CSMD3: variants seen among roughly 807,000 people sequenced by gnomAD.
CSMD3 encodes CUB and sushi domain-containing protein 3.
Under a neutral mutation model 435.2 loss-of-function variants are expected in CSMD3, and 177 were observed. The ratio of observed to expected loss-of-function variants is 0.41; its 90% confidence interval spans 0.36 to 0.46. The LOEUF (loss-of-function observed/expected upper bound fraction) is 0.46, where lower values mean the gene tolerates loss of function less well. Ranked by LOEUF, CSMD3 falls within the 20% of genes least tolerant of loss-of-function variation. CSMD3 has a pLI of 0.34. For missense variants in CSMD3, 4,265 were observed against 4,504.6 expected (o/e 0.95, Z 1.52); for synonymous variants, 1,656 against 1,520.5 (o/e 1.09, Z -2.07).
At chr8:113,314,085 A>C (rs962814751) in intron 2 of CSMD3, 1 of 152,298 alleles carries the variant, frequency 6.6e-6, no homozygotes, top group African/African-American at 2.4e-5. Context: ...TTTTGACATG[A>C]AAGTATGTAG....
chr8:113,114,731 A>C (rs918824560), intron 4 of CSMD3, among the ~76,000 whole-genome samples: 1 of 152,172 alleles, frequency 6.6e-6, no homozygotes, highest in African/African-American at 2.4e-5. Context: ...GTTGGAGATG[A>C]ATTATAGGTA....
chr8:113,112,879 T>C (rs1330300443), intron 4 of CSMD3, among the ~76,000 whole-genome samples: 10 of 152,176 alleles, frequency 6.6e-5, no homozygotes, highest in Admixed American at 6.5e-4. Context: ...TTATATTTTG[T>C]TTTGCAAGTG....
chr8:112,975,784 A>G, intron 7 of CSMD3, 53 bp downstream of exon 7: 1 of 1,610,862 alleles, frequency 6.2e-7, no homozygotes, highest in Non-Finnish European at 8.5e-7. Context: ...ATCATTACCA[A>G]AATATAGCTT....
At chr8:112,636,711 A>T in intron 22 of CSMD3, 106 bp downstream of exon 22, 1 of 995,610 alleles carries the variant, frequency 1.0e-6, no homozygotes, top group Non-Finnish European at 1.6e-6. Context: ...ATTAATGTGA[A>T]ATAAATGCAG....
chr8:113,428,972 G>A (rs2094653376), intron 1 of CSMD3, among the ~76,000 whole-genome samples: 1 of 151,570 alleles, frequency 6.6e-6, no homozygotes, highest in Non-Finnish European at 1.5e-5. Context: ...CTAACATCAA[G>A]CAAAGAAAAT....
intron 36 of CSMD3, among the ~76,000 whole-genome samples, chr8:112,384,273 T>A (rs1829743770): frequency 6.6e-6 from 1 of 152,196 alleles, no homozygotes; most frequent in Non-Finnish European, 1.5e-5. Context: ...TTAATTCAAA[T>A]GAATTTTTAA....
chr8:113,270,313 AG>A (rs1425828269), intron 3 of CSMD3, among the ~76,000 whole-genome samples: 1 of 67,560 alleles, frequency 1.5e-5, no homozygotes, highest in East Asian at 3.3e-4. Context: ...ATCATTAAAA[AG>A]TCGGGAAACA....
intron 13 of CSMD3, among the ~76,000 whole-genome samples, chr8:112,724,477 G>T (rs1409148558): frequency 1.3e-5 from 2 of 151,996 alleles, no homozygotes; most frequent in Non-Finnish European, 2.9e-5. Flanking sequence ...AATCAATTAT[G>T]TCCCCAATAA....
chr8:112,681,083 G>A (rs1186658065), intron 16 of CSMD3, among the ~76,000 whole-genome samples: 1 of 149,572 alleles, frequency 6.7e-6, no homozygotes, highest in African/African-American at 2.5e-5. Flanking sequence ...TCACCAGGCT[G>A]GAGTGCAGTG....
rs2080335686 is a variant in CSMD3 at position 112,846,815 on chromosome 8, T to C, written c.1755+12330A>G. On this transcript the variant is annotated intron_variant, in intron 11 of 70. Coordinates refer to ENST00000297405, the MANE Select transcript of CSMD3 (RefSeq NM_198123.2). ...TAAAGTATTTCAATTAAATAAACCA[T>C]TTGAACAAAAAAAATAAGTACCATT... Among the ~76,000 whole-genome samples, 5 of 152,128 alleles carry C rather than the reference T, an allele frequency of 3.3e-5. No individual in the cohort carries two copies. In the South Asian group the frequency reaches 1.0e-3, roughly 32 times the overall value.
chr8:112,719,532 C>T (rs1587069476), intron 13 of CSMD3, among the ~76,000 whole-genome samples: 2 of 152,154 alleles, frequency 1.3e-5, no homozygotes, highest in South Asian at 4.1e-4. Context: ...CTTGATATAT[C>T]CTCACATGGG....
Position 113,351,211 on chromosome 8 carries a change from T to C in CSMD3, c.179-36418A>G, listed in dbSNP as rs147209434. On this transcript the variant is annotated intron_variant, in intron 1 of 70. Transcript: ENST00000297405. ...ATAAGTGGATAAATGATAGATGAAA[T>C]GGAAACTGCATGTGAAAGCACTTCA... Among the ~76,000 whole-genome samples the C allele has an allele frequency of 2.8e-3, 429 of 152,222 alleles. 2 individuals carry two copies. Among genetic ancestry groups the C allele is most frequent in the African/African-American group, 9.6e-3 (399 of 41,548 alleles).
At chr8:112,604,182 A>G (rs779865649) in intron 22 of CSMD3, among the ~76,000 whole-genome samples, 1 of 152,158 alleles carries the variant, frequency 6.6e-6, no homozygotes, top group African/African-American at 2.4e-5. Flanking sequence ...CATTACTCAT[A>G]GTAAATATTC....
At chr8:112,972,192 A>AC (rs2084682992) in intron 7 of CSMD3, among the ~76,000 whole-genome samples, 1 of 151,964 alleles carries the variant, frequency 6.6e-6, no homozygotes, top group Non-Finnish European at 1.5e-5. Context: ...TAAACTGGGA[A>AC]CCATTAATGA....
chr8:112,656,694 T>C (rs991387605), intron 17 of CSMD3, among the ~76,000 whole-genome samples: 3 of 152,190 alleles, frequency 2.0e-5, no homozygotes, highest in Admixed American at 2.0e-4. Context: ...GGTTTACATT[T>C]ATTTTCAATC....
Position 113,166,104 on chromosome 8 carries a change from C to CCATATTCAAATACAAAACTCA in CSMD3, c.709+7597_709+7617dup, listed in dbSNP as rs1282327943. 8.5e-5 allele frequency among the ~76,000 whole-genome samples: 13 copies of CCATATTCAAATACAAAACTCA among 152,096 alleles called. No individual in the cohort carries two copies. In the East Asian group the frequency reaches 2.5e-3, roughly 29 times the overall value. On this transcript the variant is annotated intron_variant, in intron 4 of 70. Coordinates refer to ENST00000297405, the MANE Select transcript of CSMD3 (RefSeq NM_198123.2). ...AGATCACCTTTCAAATACAAAACTC[C>CCATATTCAAATACAAAACTCA]CATATTCAAATACAAAACTCAATAG...
At chr8:112,751,130 G>C (rs1273330514) in intron 13 of CSMD3, among the ~76,000 whole-genome samples, 1 of 151,708 alleles carries the variant, frequency 6.6e-6, no homozygotes, top group Non-Finnish European at 1.5e-5. Context: ...TTCTTTCTGA[G>C]AGAATATGCA....
intron 4 of CSMD3, among the ~76,000 whole-genome samples, chr8:113,134,915 T>G (rs1306975109): frequency 2.0e-5 from 3 of 151,956 alleles, no homozygotes; most frequent in African/African-American, 7.2e-5. Context: ...GGTGAGCAAA[T>G]GTGAGCAAAT....
At chr8:112,937,566 G>C (rs2083322157) in intron 9 of CSMD3, among the ~76,000 whole-genome samples, 5 of 151,876 alleles carry the variant, frequency 3.3e-5, no homozygotes, top group Admixed American at 3.3e-4. Flanking sequence ...GGCCAGACTG[G>C]TCTTGAACTC....
Sources: gnomAD v4.1 joint callset for allele counts (sites outside exome capture counted in the v4.1 genomes callset) on GRCh38, gnomAD v4.1.1 for gene constraint, MANE v1.5 for transcripts, NCBI Gene and HGNC (gene_info 2026-07-23, HGNC 2026-07-21) for gene names.